The following ZFAND3 variants were observed in gnomAD, a reference collection of about 807,000 sequenced individuals.
The protein encoded by ZFAND3 is zinc finger AN1-type containing 3.
In ZFAND3, 10 loss-of-function variants were observed where a neutral mutation model predicts 29.6. The observed-to-expected ratio is 0.34, with a 90% CI of 0.21 to 0.57. ZFAND3 has a LOEUF of 0.57. ZFAND3 is among the 20% of genes least tolerant of loss of function. The pLI, the probability that ZFAND3 is intolerant of heterozygous loss-of-function variation, is 0.86. For missense variants in ZFAND3, 230 were observed against 304.5 expected, an observed-to-expected ratio of 0.76 and a Z score of 1.82; for synonymous variants, 128 against 112.6, an observed-to-expected ratio of 1.14 and a Z score of -0.87.
chr6:38,138,147 A>G (rs762165174), intron 5 of ZFAND3, among the ~76,000 whole-genome samples: 2 of 152,036 alleles, frequency 1.3e-5, no homozygotes, highest in Non-Finnish European at 2.9e-5. Context: ...CCTTGTCTCT[A>G]TTAAAGAAAG....
At position 38,143,686 on chromosome 6, in the gene ZFAND3, T is replaced by A. The variant is rs1171433175; in HGVS notation, c.530-8549T>A. ...GCAGACAGACTGATGCCCAGCTTGT[T>A]GATTCACTGTGGCTTTGGTTCCAGT... is the stretch of plus-strand genomic sequence containing the variant. On this transcript the variant is annotated intron_variant, in intron 5 of 5. Transcript: ENST00000287218. Among the ~76,000 whole-genome samples the A allele has an allele frequency of 4.6e-5, 7 of 152,228 alleles. No homozygotes were observed. In the East Asian group the frequency reaches 1.3e-3, roughly 29 times the overall value.
chr6:38,050,494 C>T (rs545937371), intron 2 of ZFAND3, among the ~76,000 whole-genome samples: 3 of 152,110 alleles, frequency 2.0e-5, no homozygotes, highest in African/African-American at 7.2e-5. Flanking sequence ...ACCCCCATGC[C>T]GTTCTCGTGA....
chr6:37,826,201 A>G (rs1215741587), intron 1 of ZFAND3, among the ~76,000 whole-genome samples: 1 of 152,188 alleles, frequency 6.6e-6, no homozygotes, highest in Non-Finnish European at 1.5e-5. Context: ...CTTGTAATGC[A>G]GTACTTACAA....
intron 4 of ZFAND3, among the ~76,000 whole-genome samples, chr6:38,104,525 A>G (rs1306663537): frequency 6.6e-6 from 1 of 152,196 alleles, no homozygotes; most frequent in South Asian, 2.1e-4. Context: ...GCAAGTATCT[A>G]AATCCAAGAT....
intron 3 of ZFAND3, among the ~76,000 whole-genome samples, chr6:38,069,875 T>A (rs904054506): frequency 1.3e-5 from 2 of 152,236 alleles, no homozygotes; most frequent in African/African-American, 4.8e-5. Flanking sequence ...CCATGATTTT[T>A]AAGTTATTCA....
chr6:38,069,144 CTAA>C (rs1415381587), intron 3 of ZFAND3, among the ~76,000 whole-genome samples: 2 of 152,156 alleles, frequency 1.3e-5, no homozygotes, highest in Non-Finnish European at 2.9e-5. Flanking sequence ...AATTAAATTT[CTAA>C]TAATCTCTAA....
rs200493450 is a variant in ZFAND3 at position 38,082,476 on chromosome 6, T to C, written c.361+19T>C. Reference sequence around the variant, plus strand: ...GGTACAGGTATGTACGTCATTCTTATGTGAATTCATCCTTATTTGAATTCT... The same window carrying C: ...GGTACAGGTATGTACGTCATTCTTACGTGAATTCATCCTTATTTGAATTCT... On this transcript the variant is annotated intron_variant, in intron 4 of 5. Transcript: ENST00000287218. 1.1e-4 allele frequency: 173 copies of C among 1,606,066 alleles called. No individual in the cohort carries two copies. In the East Asian group the frequency reaches 3.3e-3, roughly 31 times the overall value.
At chr6:38,101,297 A>G (rs1297249657) in intron 4 of ZFAND3, among the ~76,000 whole-genome samples, 1 of 152,174 alleles carries the variant, frequency 6.6e-6, no homozygotes, top group African/African-American at 2.4e-5. Context: ...GCTCTCTTAA[A>G]CGTTGTACAC....
At chr6:37,825,952 G>C (rs1220492827) in intron 1 of ZFAND3, among the ~76,000 whole-genome samples, 3 of 152,128 alleles carry the variant, frequency 2.0e-5, no homozygotes, top group Non-Finnish European at 4.4e-5. Context: ...AAGTGATGTA[G>C]TATTTTGAAT....
chr6:37,888,700 G>A (rs780422322), intron 1 of ZFAND3, among the ~76,000 whole-genome samples: 1 of 152,158 alleles, frequency 6.6e-6, no homozygotes, highest in African/African-American at 2.4e-5. Context: ...CTTAAAATGG[G>A]TGAGGATATA....
chr6:37,873,850 G>A (rs962671182), intron 1 of ZFAND3, among the ~76,000 whole-genome samples: 5 of 152,142 alleles, frequency 3.3e-5, no homozygotes, highest in Non-Finnish European at 5.9e-5. Flanking sequence ...ATACATAAAC[G>A]AATAAGGAAT....
intron 3 of ZFAND3, among the ~76,000 whole-genome samples, chr6:38,070,661 T>C (rs1298841216): frequency 3.3e-5 from 5 of 152,182 alleles, no homozygotes; most frequent in Admixed American, 2.6e-4. Context: ...ACGTGGCTAA[T>C]GGTGCATATG....
At chr6:38,121,159 G>A (rs1198582931) in intron 5 of ZFAND3, among the ~76,000 whole-genome samples, 1 of 152,154 alleles carries the variant, frequency 6.6e-6, no homozygotes, top group Non-Finnish European at 1.5e-5. Context: ...TTCAAAACCA[G>A]CTTGTTGCCC....
intron 2 of ZFAND3, among the ~76,000 whole-genome samples, chr6:37,962,746 C>G (rs1440638945): frequency 2.0e-5 from 3 of 152,312 alleles, no homozygotes; most frequent in Non-Finnish European, 1.5e-5. Context: ...AGCTGGCCAC[C>G]TGAGCCAGCA....
chr6:38,133,749 CAAA>C (rs879729794), intron 5 of ZFAND3, among the ~76,000 whole-genome samples: 1 of 120,916 alleles, frequency 8.3e-6, no homozygotes, highest in African/African-American at 3.1e-5. Context: ...GACTCTGTCT[CAAA>C]AAAAAAAAAA....
At chr6:38,003,177 G>T in intron 2 of ZFAND3, 1 of 153,512 alleles carries the variant, frequency 6.5e-6, no homozygotes. Flanking sequence ...GTGACCCAAC[G>T]AAATCTCTGC....
At chr6:37,867,078 A>G (rs1307240013) in intron 1 of ZFAND3, among the ~76,000 whole-genome samples, 4 of 152,236 alleles carry the variant, frequency 2.6e-5, no homozygotes, top group Non-Finnish European at 1.5e-5. Flanking sequence ...ATGCATAGTA[A>G]TGATTGGCCT....
chr6:37,875,200 A>G (rs1194909713), intron 1 of ZFAND3, among the ~76,000 whole-genome samples: 2 of 152,172 alleles, frequency 1.3e-5, no homozygotes, highest in Non-Finnish European at 2.9e-5. Flanking sequence ...TTTAATTTTA[A>G]AAATAATAGA....
chr6:37,861,599 T>C (rs1194786453), intron 1 of ZFAND3, among the ~76,000 whole-genome samples: 1 of 152,220 alleles, frequency 6.6e-6, no homozygotes, highest in Non-Finnish European at 1.5e-5. Context: ...GTGAAGAAAG[T>C]AAGACTTACA....
Sources: gnomAD v4.1 joint callset for allele counts (sites outside exome capture counted in the v4.1 genomes callset) on GRCh38, gnomAD v4.1.1 for gene constraint, MANE v1.5 for transcripts, NCBI Gene and HGNC (gene_info 2026-07-23, HGNC 2026-07-21) for gene names.